Variants in SLC17A8 observed in about 807,000 individuals in gnomAD.
The protein encoded by SLC17A8 is solute carrier family 17 member 8.
A neutral mutation model predicts 58.0 loss-of-function variants in SLC17A8; 31 were observed. The observed-to-expected ratio is 0.53, with a 90% CI of 0.40 to 0.72. The LOEUF (loss-of-function observed/expected upper bound fraction) is 0.72, where lower values mean the gene tolerates loss of function less well. Among genes scored for constraint, SLC17A8 ranks in the 30% least tolerant of loss-of-function variants. The pLI, the probability that SLC17A8 is intolerant of heterozygous loss-of-function variation, is 0.00. For synonymous variants in SLC17A8, 228 were observed against 249.0 expected (o/e 0.92, Z 0.79); for missense variants, 655 against 727.8 (o/e 0.90, Z 1.15).
At chr12:100,385,616 C>G (rs748277926) in intron 2 of SLC17A8, among the ~76,000 whole-genome samples, 9 of 152,134 alleles carry the variant, frequency 5.9e-5, no homozygotes, top group Admixed American at 2.6e-4. Flanking sequence ...GGGGAAGGTG[C>G]AATCCTCTCA....
At position 100,402,645 on chromosome 12, in the gene SLC17A8, C is replaced by T. The variant is rs777890279; in HGVS notation, c.953C>T (p.Ala318Val). ...TTTTTCACATCTTTGCCGGTTTATG[C>T]AATCATTGTGGCAAATTTTTGCAGA... ...KRFFTSLPVY[A>V]IIVANFCRSW... The change falls in exon 8 of 12, where the codon GCA becomes GTA. Residue 318 changes from alanine to valine, a missense_variant. Coordinates refer to ENST00000323346, the MANE Select transcript of SLC17A8 (RefSeq NM_139319.3). 1.5e-5 allele frequency: 24 copies of T among 1,613,890 alleles called. No individual in the cohort carries two copies. The highest frequency in any genetic ancestry group is 1.9e-5 in the Non-Finnish European group (22 of 1,179,988).
At chr12:100,400,842 T>C (rs1952785842) in intron 5 of SLC17A8, among the ~76,000 whole-genome samples, 1 of 152,064 alleles carries the variant, frequency 6.6e-6, no homozygotes, top group Non-Finnish European at 1.5e-5. Flanking sequence ...TAGTCACAAT[T>C]ATCTTGTCTA....
In SLC17A8 at chr12:100,421,525, G is replaced by T. The variant is rs1056785370; in HGVS notation, c.*1366G>T. The T allele has an allele frequency of 6.6e-6, 1 of 151,918 alleles. No homozygotes were observed. Among genetic ancestry groups the T allele is most frequent in the African/African-American group, 2.4e-5 (1 of 41,358 alleles). 9.4% of individuals were successfully genotyped at this position (151,918 alleles called of 1,614,324 possible). On this transcript the variant is annotated 3_prime_UTR_variant, in exon 12 of 12. Coordinates refer to ENST00000323346, the MANE Select transcript of SLC17A8 (RefSeq NM_139319.3). ...TAGATATATTTAAAATTTTAACATT[G>T]GCATCTAAAGTGTTATTTGAAAATA...
chr12:100,373,343 C>T (rs781305067), intron 1 of SLC17A8, among the ~76,000 whole-genome samples: 3 of 147,720 alleles, frequency 2.0e-5, no homozygotes, highest in Admixed American at 1.4e-4. Context: ...ATAACTTTCT[C>T]GTCTCCTCCC....
At chr12:100,365,852 A>G (rs1952516671) in intron 1 of SLC17A8, among the ~76,000 whole-genome samples, 1 of 152,172 alleles carries the variant, frequency 6.6e-6, no homozygotes, top group Non-Finnish European at 1.5e-5. Context: ...GATGTTCTGC[A>G]GCAGGTCCAG....
intron 3 of SLC17A8, 97 bp from the exon 4 acceptor site, chr12:100,393,272 G>A: frequency 2.5e-6 from 2 of 810,742 alleles, no homozygotes. Flanking sequence ...TTTCCACAGG[G>A]ATCTTTCATG....
In SLC17A8 at chr12:100,380,157, C is replaced by T. The variant is rs368799708; in HGVS notation, c.102-544C>T. ...GAGGTTGCGGGGAGCCGAGATCGTG[C>T]CATTGCATTCCAGCCTGGGCAACGG... On this transcript the variant is annotated intron_variant, in intron 1 of 11. Transcript: ENST00000323346. 5.5e-5 allele frequency among the ~76,000 whole-genome samples: 8 copies of T among 144,650 alleles called. 1 individual carries two copies. The East Asian group carries it at 1.0e-3, about 19-fold the overall frequency. 94.9% of individuals were successfully genotyped at this position (144,650 alleles called of 152,430 possible).
At chr12:100,370,612 T>TAAAAAAAAAAAAAAA (rs61103377) in intron 1 of SLC17A8, among the ~76,000 whole-genome samples, 2 of 127,178 alleles carry the variant, frequency 1.6e-5, no homozygotes, top group African/African-American at 5.6e-5. Flanking sequence ...ATCTAAATTC[T>TAAAAAAAAAAAAAAA]AAAAAAAAAA....
Position 100,357,122 on chromosome 12 carries a change from G to A in SLC17A8, c.-270G>A, listed in dbSNP as rs1952451487. ...CAGCTGCCACAGGCTGCTGCAGAGCGTGCAGCTTTTGCAAGGGACTGAATT... is the reference window on the plus strand; with the variant it reads ...CAGCTGCCACAGGCTGCTGCAGAGCATGCAGCTTTTGCAAGGGACTGAATT... On this transcript the variant is annotated 5_prime_UTR_variant, in exon 1 of 12. It adds an upstream start codon to the 5' untranslated region. Coordinates refer to ENST00000323346, the MANE Select transcript of SLC17A8 (RefSeq NM_139319.3). 2.4e-6 allele frequency: 1 copy of A among 412,052 alleles called. No homozygotes were observed. Among genetic ancestry groups the A allele is most frequent in the Non-Finnish European group, 4.6e-6 (1 of 218,904 alleles). The allele number at this position is 412,052 out of a possible 1,614,324, so 25.5% of individuals were successfully genotyped here. A position where few individuals can be genotyped will look rare whatever the true frequency, so the allele number is the denominator to read the frequency against.
chr12:100,419,269 A>G (rs939158874), intron 11 of SLC17A8, among the ~76,000 whole-genome samples: 7 of 152,078 alleles, frequency 4.6e-5, no homozygotes, highest in Admixed American at 4.6e-4. Flanking sequence ...TTTAAAATGT[A>G]TTTTCTTGTA....
chr12:100,371,002 A>AC (rs1952555352), intron 1 of SLC17A8, among the ~76,000 whole-genome samples: 1 of 152,204 alleles, frequency 6.6e-6, no homozygotes, highest in African/African-American at 2.4e-5. Flanking sequence ...GGGAGCATTG[A>AC]CTGGGCTGGC....
At chr12:100,359,638 T>C (rs531677167) in intron 1 of SLC17A8, among the ~76,000 whole-genome samples, 1 of 152,206 alleles carries the variant, frequency 6.6e-6, no homozygotes, top group East Asian at 1.9e-4. Flanking sequence ...TAGAGAGAAA[T>C]TATTGGCAGA....
chr12:100,399,177 C>T (rs374396323), intron 5 of SLC17A8, among the ~76,000 whole-genome samples: 2 of 152,098 alleles, frequency 1.3e-5, no homozygotes, highest in African/African-American at 4.8e-5. Flanking sequence ...CTCTTTCTCA[C>T]CCCCAGTTCT....
At chr12:100,381,229 GC>G (rs1555325989) in intron 2 of SLC17A8, among the ~76,000 whole-genome samples, 3 of 152,136 alleles carry the variant, frequency 2.0e-5, no homozygotes, top group Non-Finnish European at 4.4e-5. Context: ...TCAATACTTT[GC>G]TCCTTGAGAG....
chr12:100,384,092 T>G (rs1952656353), intron 2 of SLC17A8, among the ~76,000 whole-genome samples: 1 of 152,204 alleles, frequency 6.6e-6, no homozygotes, highest in Non-Finnish European at 1.5e-5. Context: ...GACCGAAGTT[T>G]GAGAAACTTG....
Position 100,419,978 on chromosome 12 carries a change from A to G in SLC17A8, c.1589A>G (p.Glu530Gly), listed in dbSNP as rs770293147. 1 of 1,614,026 alleles carries G rather than the reference A, an allele frequency of 6.2e-7. No homozygotes were observed. The highest frequency in any genetic ancestry group is 1.3e-5 in the African/African-American group (1 of 74,930). ...CGIIDQDELA[E>G]EIELNHESFA... is the part of the protein sequence containing the mutation. ...ATCATTGACCAGGACGAATTAGCTG[A>G]GGAGATAGAACTCAACCATGAGAGT... Residue 530 changes from glutamate (E) to glycine (G), a missense_variant, in exon 12 of 12, where the codon GAG (glutamate) becomes GGG (glycine). Coordinates refer to ENST00000323346, the MANE Select transcript of SLC17A8 (RefSeq NM_139319.3).
intron 10 of SLC17A8, among the ~76,000 whole-genome samples, chr12:100,413,931 C>A (rs369713670): frequency 6.6e-6 from 1 of 152,000 alleles, no homozygotes; most frequent in South Asian, 2.1e-4. Context: ...GAGCTGAGTT[C>A]GTGCCACTGC....
At chr12:100,412,415 T>C (rs142952963) in intron 9 of SLC17A8, among the ~76,000 whole-genome samples, 418 of 151,952 alleles carry the variant, frequency 2.8e-3, no homozygotes, top group South Asian at 0.026. Context: ...TGGGGCCTGC[T>C]AGGGGGCAAG....
At chr12:100,371,829 G>T (rs1272181349) in intron 1 of SLC17A8, among the ~76,000 whole-genome samples, 1 of 152,154 alleles carries the variant, frequency 6.6e-6, no homozygotes, top group Non-Finnish European at 1.5e-5. Context: ...GATTACAGCC[G>T]TGAGCCACCG....
Sources: allele counts gnomAD v4.1 joint callset (sites outside exome capture counted in the v4.1 genomes callset), GRCh38; gene constraint gnomAD v4.1.1; transcripts MANE v1.5; gene names NCBI Gene and HGNC (gene_info 2026-07-23, HGNC 2026-07-21).